Variants in ZFHX3 observed in about 807,000 individuals in gnomAD.
The protein encoded by ZFHX3 is zinc finger homeobox 3.
Under a neutral mutation model 279.1 loss-of-function variants are expected in ZFHX3, and 42 were observed. That is an observed-to-expected ratio of 0.15 (90% CI 0.12 to 0.19). The LOEUF is 0.19. Among genes scored for constraint, ZFHX3 ranks in the 10% least tolerant of loss-of-function variants. The probability of loss-of-function intolerance (pLI) is 1.00; values close to 1 mark genes in which losing one functional copy is unlikely to be tolerated. For missense variants in ZFHX3, 4,981 were observed against 4,754.0 expected, an observed-to-expected ratio of 1.05 and a Z score of -1.40; for synonymous variants, 2,293 against 1,957.8, an observed-to-expected ratio of 1.17 and a Z score of -4.52.
chr16:73,036,954 T>C (rs1180575743), intron 1 of ZFHX3, among the ~76,000 whole-genome samples: 2 of 152,186 alleles, frequency 1.3e-5, no homozygotes, highest in Non-Finnish European at 1.5e-5. Context: ...GCCAATTTAT[T>C]GTGAGAGAAG....
intron 1 of ZFHX3, among the ~76,000 whole-genome samples, chr16:73,891,453 A>T (rs1411977833): frequency 6.6e-6 from 1 of 151,108 alleles, no homozygotes; most frequent in Non-Finnish European, 1.5e-5. Flanking sequence ...CCACCCTCCT[A>T]CCCTCCCCGA....
At chr16:72,930,706 A>G (rs912822993) in intron 3 of ZFHX3, among the ~76,000 whole-genome samples, 7 of 152,262 alleles carry the variant, frequency 4.6e-5, no homozygotes, top group African/African-American at 1.7e-4. Context: ...AGAAATACTC[A>G]TAAAACCTAC....
At chr16:72,930,104 G>A (rs1382924860) in intron 3 of ZFHX3, among the ~76,000 whole-genome samples, 2 of 152,216 alleles carry the variant, frequency 1.3e-5, no homozygotes. Flanking sequence ...TGTAATCCCA[G>A]CTACTTGGGA....
At chr16:73,377,184 C>A (rs1008599502) in intron 3 of ZFHX3, among the ~76,000 whole-genome samples, 1 of 152,048 alleles carries the variant, frequency 6.6e-6, no homozygotes, top group African/African-American at 2.4e-5. Flanking sequence ...ATTGGCCAGG[C>A]TGGTCTTGAA....
rs543586379 is a variant in ZFHX3 at position 73,568,179 on chromosome 16, C to T, written c.-1546-111921G>A. Among the ~76,000 whole-genome samples, 19 of 152,240 alleles carry T rather than the reference C, an allele frequency of 1.2e-4. No individual in the cohort carries two copies. The South Asian group carries it at 3.1e-3, about 25-fold the overall frequency. ...GTTTTTAAGTTACTAAATTCCTTTA[C>T]GTTTGTTTTCTTAGGAAAGTGACAT... On this transcript the variant is annotated intron_variant, in intron 2 of 17. Transcript: ENST00000641206.
intron 1 of ZFHX3, among the ~76,000 whole-genome samples, chr16:73,014,802 A>G (rs540812706): frequency 6.6e-6 from 1 of 151,706 alleles, no homozygotes; most frequent in South Asian, 2.1e-4. Context: ...ATGAGCCACC[A>G]TGTCCGGCCT....
chr16:73,730,864 A>G (rs1172158708), intron 1 of ZFHX3, among the ~76,000 whole-genome samples: 5 of 152,200 alleles, frequency 3.3e-5, no homozygotes, highest in East Asian at 1.9e-4. Context: ...AGCTCTACAC[A>G]GCCTCACAGG....
intron 4 of ZFHX3, among the ~76,000 whole-genome samples, chr16:72,878,814 C>G (rs1185680618): frequency 6.6e-6 from 1 of 152,222 alleles, no homozygotes; most frequent in Non-Finnish European, 1.5e-5. Context: ...TCTACAGCAG[C>G]CCTGTCCTCA....
chr16:73,763,038 C>T lies in ZFHX3; in HGVS notation c.-1607-82798G>A, dbSNP rs536442676. On this transcript the variant is annotated intron_variant, in intron 1 of 17. Coordinates refer to the ZFHX3 transcript ENST00000641206. ...TGGGATTCCTTCCCCTAAATATTTCCCCACTAATGTATTGTAATAAAATAT... is the reference window on the plus strand; with the variant it reads ...TGGGATTCCTTCCCCTAAATATTTCTCCACTAATGTATTGTAATAAAATAT... Among the ~76,000 whole-genome samples, 8 of 152,046 alleles carry T rather than the reference C, an allele frequency of 5.3e-5. No individual in the cohort carries two copies. The East Asian group carries it at 9.7e-4, about 18-fold the overall frequency.
chr16:73,687,958 AT>A (rs933207917), intron 1 of ZFHX3, among the ~76,000 whole-genome samples: 50 of 151,940 alleles, frequency 3.3e-4, no homozygotes, highest in Non-Finnish European at 6.2e-4. Flanking sequence ...TAAGACAATA[AT>A]TTTTTTTCCA....
intron 5 of ZFHX3, among the ~76,000 whole-genome samples, chr16:73,152,147 A>C (rs1567403696): frequency 6.6e-6 from 1 of 152,216 alleles, no homozygotes; most frequent in Non-Finnish European, 1.5e-5. Context: ...GAATTCATTC[A>C]AACAACAAGT....
chr16:73,281,144 G>A (rs1567438816), intron 4 of ZFHX3, among the ~76,000 whole-genome samples: 1 of 151,982 alleles, frequency 6.6e-6, no homozygotes, highest in Non-Finnish European at 1.5e-5. Context: ...ATATTCATAG[G>A]AATTGAAATC....
intron 4 of ZFHX3, among the ~76,000 whole-genome samples, chr16:73,306,336 T>C (rs530443546): frequency 1.5e-4 from 23 of 152,376 alleles, no homozygotes; most frequent in African/African-American, 4.6e-4. Context: ...TTTGTTTGTT[T>C]TGAGACAGAG....
At chr16:73,038,718 G>A (rs1597122863) in intron 1 of ZFHX3, among the ~76,000 whole-genome samples, 1 of 152,120 alleles carries the variant, frequency 6.6e-6, no homozygotes, top group East Asian at 1.9e-4. Context: ...CTAGAGAGGT[G>A]CAAATGTTAC....
intron 4 of ZFHX3, among the ~76,000 whole-genome samples, chr16:72,879,180 T>C (rs1453588623): frequency 6.6e-6 from 1 of 152,182 alleles, no homozygotes; most frequent in Non-Finnish European, 1.5e-5. Context: ...GCCTGGAGTA[T>C]ATAACACAGG....
chr16:73,280,267 A>T (rs2014423742), intron 4 of ZFHX3, among the ~76,000 whole-genome samples: 1 of 152,210 alleles, frequency 6.6e-6, no homozygotes, highest in African/African-American at 2.4e-5. Flanking sequence ...CTATCAAACT[A>T]AAATGCTTCT....
At chr16:73,019,343 C>CATGTGTGTGTGT (rs1555542114) in intron 1 of ZFHX3, among the ~76,000 whole-genome samples, 49 of 150,170 alleles carry the variant, frequency 3.3e-4, no homozygotes, top group African/African-American at 1.2e-3. Context: ...TGTGTCTGTG[C>CATGTGTGTGTGT]GTGTGTGTGT....
At chr16:73,142,098 T>C (rs1387836678) in intron 6 of ZFHX3, among the ~76,000 whole-genome samples, 4 of 152,192 alleles carry the variant, frequency 2.6e-5, no homozygotes, top group Non-Finnish European at 5.9e-5. Flanking sequence ...AGCTCAAACA[T>C]GGTCCCTCCC....
Position 73,245,824 on chromosome 16 carries a change from A to G in ZFHX3, c.-1104+11223T>C, listed in dbSNP as rs139332386. 4.1e-4 allele frequency among the ~76,000 whole-genome samples: 62 copies of G among 152,286 alleles called. No individual in the cohort carries two copies. The East Asian group carries it at 9.7e-3, about 24-fold the overall frequency. ...TACTTTAAACTCTTAGTAATTGAAGAAGTGAAAGCGTAAGAGTAAGGGTCC... is the reference window on the plus strand; with the variant it reads ...TACTTTAAACTCTTAGTAATTGAAGGAGTGAAAGCGTAAGAGTAAGGGTCC... On this transcript the variant is annotated intron_variant, in intron 5 of 17. Transcript: ENST00000641206.
Sources: allele counts gnomAD v4.1 joint callset (sites outside exome capture counted in the v4.1 genomes callset), GRCh38; gene constraint gnomAD v4.1.1; transcripts MANE v1.5; gene names NCBI Gene and HGNC (gene_info 2026-07-23, HGNC 2026-07-21).